KIAA1217: variants seen among roughly 807,000 people sequenced by gnomAD.
KIAA1217 encodes the protein sickle tail protein homolog.
KIAA1217 carries 88 observed loss-of-function variants against 163.9 expected under a neutral mutation model. The observed-to-expected ratio is 0.54, with a 90% CI of 0.45 to 0.64. The LOEUF (loss-of-function observed/expected upper bound fraction) is 0.64, where lower values mean the gene tolerates loss of function less well. KIAA1217 is among the 30% of genes least tolerant of loss of function. The pLI, the probability that KIAA1217 is intolerant of heterozygous loss-of-function variation, is 0.00. For synonymous variants in KIAA1217, 903 were observed against 923.1 expected, an observed-to-expected ratio of 0.98 and a Z score of 0.39; for missense variants, 2,372 against 2,475.0, an observed-to-expected ratio of 0.96 and a Z score of 0.88.
intron 4 of KIAA1217, among the ~76,000 whole-genome samples, chr10:24,435,938 G>A (rs1240067842): frequency 6.6e-6 from 1 of 151,602 alleles, no homozygotes; most frequent in African/African-American, 2.4e-5. Flanking sequence ...TCAGTTCACT[G>A]CAGCCACCAC....
Position 23,866,927 on chromosome 10 carries a change from C to T in KIAA1217, c.-320-140298C>T, listed in dbSNP as rs192104968. On this transcript the variant is annotated intron_variant, in intron 1 of 18. Transcript: ENST00000376462. ...GGTTAGTTACATATGTATACATGTG[C>T]CATGCTGGTGTGCTGCACCCATTAA... Among the ~76,000 whole-genome samples, 656 of 151,368 alleles carry T rather than the reference C, an allele frequency of 4.3e-3. 9 individuals are homozygous for T. Among genetic ancestry groups the T allele is most frequent in the African/African-American group, 0.015 (627 of 41,198 alleles).
chr10:24,372,016 A>G (rs2134520510), intron 2 of KIAA1217, among the ~76,000 whole-genome samples: 1 of 152,326 alleles, frequency 6.6e-6, no homozygotes, highest in East Asian at 1.9e-4. Flanking sequence ...ACACATGGGT[A>G]TAAAGATGGC....
chr10:24,300,212 G>A (rs2041142035), intron 2 of KIAA1217, among the ~76,000 whole-genome samples: 1 of 152,144 alleles, frequency 6.6e-6, no homozygotes, highest in Non-Finnish European at 1.5e-5. Context: ...CTTTTAAATT[G>A]GTAACAAAAT....
intron 1 of KIAA1217, among the ~76,000 whole-genome samples, chr10:23,896,131 TTAAAG>T (rs1261959186): frequency 6.6e-6 from 1 of 151,814 alleles, no homozygotes; most frequent in Admixed American, 6.6e-5. Flanking sequence ...ACCCTAAAAC[TTAAAG>T]TATAATAATA....
chr10:23,890,020 A>G (rs1349384533), intron 1 of KIAA1217, among the ~76,000 whole-genome samples: 1 of 151,852 alleles, frequency 6.6e-6, no homozygotes, highest in Non-Finnish European at 1.5e-5. Context: ...CTAAGATTTT[A>G]TATAAGATTG....
At chr10:24,239,335 C>T in intron 2 of KIAA1217, 1 of 982,448 alleles carries the variant, frequency 1.0e-6, no homozygotes. Flanking sequence ...GCTCTGGGTA[C>T]AGGTAAATAT....
chr10:23,763,400 G>T (rs1260887324), intron 1 of KIAA1217, among the ~76,000 whole-genome samples: 2 of 152,122 alleles, frequency 1.3e-5, no homozygotes, highest in African/African-American at 2.4e-5. Context: ...GCATGGTACT[G>T]GTACCAAGAC....
At chr10:23,785,086 A>C (rs1044765963) in intron 1 of KIAA1217, among the ~76,000 whole-genome samples, 23 of 152,040 alleles carry the variant, frequency 1.5e-4, no homozygotes, top group African/African-American at 5.6e-4. Context: ...TCATCTTTAA[A>C]ATAGAGTAAC....
At chr10:23,702,691 A>ACG (rs1192356192) in intron 1 of KIAA1217, among the ~76,000 whole-genome samples, 1 of 151,804 alleles carries the variant, frequency 6.6e-6, no homozygotes, top group Non-Finnish European at 1.5e-5. Flanking sequence ...ACACACACAC[A>ACG]CACACACACA....
intron 2 of KIAA1217, among the ~76,000 whole-genome samples, chr10:24,242,365 G>T (rs1369259582): frequency 6.6e-6 from 1 of 152,150 alleles, no homozygotes; most frequent in Non-Finnish European, 1.5e-5. Context: ...TTCTATTTCT[G>T]CATTAATTTG....
chr10:24,174,199 T>C (rs1044695310), intron 2 of KIAA1217, among the ~76,000 whole-genome samples: 8 of 152,204 alleles, frequency 5.3e-5, no homozygotes, highest in African/African-American at 1.9e-4. Flanking sequence ...GTATGAGTTA[T>C]CATTATTACC....
At chr10:23,882,000 A>G (rs939789933) in intron 1 of KIAA1217, among the ~76,000 whole-genome samples, 1 of 151,570 alleles carries the variant, frequency 6.6e-6, no homozygotes, top group African/African-American at 2.4e-5. Flanking sequence ...TCATTATGGT[A>G]AAAATATGGT....
chr10:23,771,871 C>T (rs934886108), intron 1 of KIAA1217, among the ~76,000 whole-genome samples: 3 of 152,216 alleles, frequency 2.0e-5, no homozygotes, highest in Non-Finnish European at 2.9e-5. Context: ...GCTAGCCCAC[C>T]TCTGCTGCAA....
At chr10:24,078,194 A>G (rs948911848) in intron 2 of KIAA1217, among the ~76,000 whole-genome samples, 3 of 152,336 alleles carry the variant, frequency 2.0e-5, no homozygotes, top group Admixed American at 2.0e-4. Flanking sequence ...AAGGAGATTC[A>G]GGTGTAAAGT....
chr10:23,921,698 AC>A (rs1842852474), intron 1 of KIAA1217, among the ~76,000 whole-genome samples: 2 of 151,628 alleles, frequency 1.3e-5, no homozygotes, highest in African/African-American at 4.8e-5. Flanking sequence ...GAGCAGGTGC[AC>A]CCCCCTGGCT....
chr10:23,817,577 A>G (rs1178661982), intron 1 of KIAA1217, among the ~76,000 whole-genome samples: 1 of 152,174 alleles, frequency 6.6e-6, no homozygotes, highest in African/African-American at 2.4e-5. Flanking sequence ...CCAAAAGATC[A>G]CAGTTTTTAT....
chr10:23,842,964 T>C (rs574622495), intron 1 of KIAA1217, among the ~76,000 whole-genome samples: 1 of 152,090 alleles, frequency 6.6e-6, no homozygotes, highest in Admixed American at 6.6e-5. Context: ...CAAGTAAAAA[T>C]TATTATCTTG....
At chr10:24,301,637 T>C (rs7913679) in intron 2 of KIAA1217, among the ~76,000 whole-genome samples, 17,251 of 152,196 alleles carry the variant, frequency 0.11, 1,488 homozygotes, top group East Asian at 0.31. Flanking sequence ...GTGGTTTTCC[T>C]TTTTCTGGAT....
intron 1 of KIAA1217, among the ~76,000 whole-genome samples, chr10:23,924,585 A>G (rs1188458779): frequency 6.6e-6 from 1 of 152,112 alleles, no homozygotes; most frequent in Non-Finnish European, 1.5e-5. Context: ...GACATAGAGA[A>G]CTCAAGGAAA....
Sources: gnomAD v4.1 joint callset for allele counts (sites outside exome capture counted in the v4.1 genomes callset) on GRCh38, gnomAD v4.1.1 for gene constraint, MANE v1.5 for transcripts, NCBI Gene and HGNC (gene_info 2026-07-23, HGNC 2026-07-21) for gene names.